INAVA: variants seen among roughly 807,000 people sequenced by gnomAD.
INAVA encodes innate immunity activator.
INAVA carries 32 observed loss-of-function variants against 55.3 expected under a neutral mutation model. That is an observed-to-expected ratio of 0.58 (90% CI 0.44 to 0.78). The LOEUF is 0.78. Ranked by LOEUF, INAVA falls within the 30% of genes least tolerant of loss-of-function variation. The pLI, the probability that INAVA is intolerant of heterozygous loss-of-function variation, is 0.00. For synonymous variants in INAVA, 294 were observed against 329.4 expected, an observed-to-expected ratio of 0.89 and a Z score of 1.16; for missense variants, 756 against 786.4, an observed-to-expected ratio of 0.96 and a Z score of 0.46.
rs924143423 is a variant in INAVA at position 200,901,166 on chromosome 1, C to T, written c.520+7C>T. On this transcript the variant is annotated splice_region_variant and intron_variant, in intron 5 of 9. Transcript: ENST00000413687. ...GCTCTCCCCCTGGGCCGAGGTGAGC[C>T]GGCTGCCCTGAGGGGGGCCATGCTC... 9.3e-6 allele frequency: 14 copies of T among 1,500,672 alleles called. No homozygotes were observed. In the East Asian group the frequency reaches 1.2e-4, roughly 13 times the overall value. 93.0% of individuals were successfully genotyped at this position (1,500,672 alleles called of 1,614,324 possible). A position where few individuals can be genotyped will look rare whatever the true frequency, so the allele number is the denominator to read the frequency against.
intron 1 of INAVA, among the ~76,000 whole-genome samples, chr1:200,896,330 T>A (rs944950892): frequency 2.5e-4 from 3 of 12,180 alleles, no homozygotes; most frequent in Non-Finnish European, 4.7e-4. Context: ...TCTTGGCTTC[T>A]GGGGAGGGTG....
upstream of INAVA, among the ~76,000 whole-genome samples, chr1:200,893,264 T>C (rs1668271756): frequency 6.6e-6 from 1 of 152,270 alleles, no homozygotes; most frequent in African/African-American, 2.4e-5. Context: ...TTAATGTTAA[T>C]AAAGAAGCAT....
intron 1 of INAVA, among the ~76,000 whole-genome samples, chr1:200,895,751 C>T (rs890446174): frequency 1.3e-5 from 2 of 152,086 alleles, no homozygotes; most frequent in Non-Finnish European, 2.9e-5. Flanking sequence ...TGACATTGAC[C>T]AAGAGGTCGA....
intron 6 of INAVA, 120 bp downstream of exon 6, chr1:200,908,007 G>T: frequency 1.4e-6 from 1 of 731,016 alleles, no homozygotes; most frequent in South Asian, 1.8e-5. Flanking sequence ...GCCAGGCTTA[G>T]GGTTTCCGCT....
chr1:200,910,687 T>C (rs1434993875), intron 8 of INAVA, among the ~76,000 whole-genome samples: 4 of 152,262 alleles, frequency 2.6e-5, no homozygotes, highest in African/African-American at 7.2e-5. Context: ...GTTCAAGCGA[T>C]TCTCCTGCCT....
chr1:200,911,860 C>T lies in INAVA; in HGVS notation c.1367C>T (p.Ala456Val), dbSNP rs1336188147. 6.3e-7 allele frequency: 1 copy of T among 1,593,564 alleles called. No individual in the cohort carries two copies. ...PPGEWELRRAAPGPAYEEEGT... is the reference protein window; with the variant it reads ...PPGEWELRRAVPGPAYEEEGT... ...GGCGAGTGGGAGCTGCGCCGCGCAG[C>T]CCCGGGCCCTGCTTACGAGGAGGAG... The change falls in exon 9 of 10, where the codon GCC becomes GTC. Residue 456 changes from alanine to valine, a missense_variant. Coordinates refer to ENST00000413687, the MANE Select transcript of INAVA (RefSeq NM_001142569.3).
chr1:200,891,766 C>T (rs1409480023), upstream of INAVA: 37 of 1,244,762 alleles, frequency 3.0e-5, no homozygotes, highest in Non-Finnish European at 3.9e-5. Context: ...GGCCCCTGAA[C>T]CCACGGTCTT....
intron 5 of INAVA, chr1:200,902,899 C>T (rs1298662977): frequency 6.6e-6 from 1 of 152,318 alleles, no homozygotes; most frequent in Non-Finnish European, 1.5e-5. Context: ...CCAGGACTGG[C>T]CTGGGGCTCT....
intron 1 of INAVA, among the ~76,000 whole-genome samples, chr1:200,895,513 G>A (rs1668327369): frequency 6.6e-6 from 1 of 151,910 alleles, no homozygotes; most frequent in Non-Finnish European, 1.5e-5. Flanking sequence ...GCTTGAAGAG[G>A]CCCAGGAGGG....
upstream of INAVA, among the ~76,000 whole-genome samples, chr1:200,892,419 A>C (rs1668255436): frequency 6.6e-6 from 1 of 152,076 alleles, no homozygotes; most frequent in South Asian, 2.1e-4. Context: ...CTTTTTTTTA[A>C]AAAAAATGGA....
chr1:200,900,946 A>G lies in INAVA; in HGVS notation c.307A>G (p.Ser103Gly), dbSNP rs990614396. Residue 103 changes from serine (S) to glycine (G), a missense_variant, in exon 5 of 10, where the codon AGC becomes GGC. Ser to Gly is a moderately conservative substitution (Grantham distance 56, BLOSUM62 0). Coordinates refer to ENST00000413687, the MANE Select transcript of INAVA (RefSeq NM_001142569.3). ...DWALHREDPL[S>G]SLERQLALQL... ...CTGCCCCCTCTCTCAGGACCCCCTAAGCAGCCTGGAGCGCCAGCTGGCCCT... is the reference window on the plus strand; with the variant it reads ...CTGCCCCCTCTCTCAGGACCCCCTAGGCAGCCTGGAGCGCCAGCTGGCCCT... 6 of 1,549,126 alleles carry G rather than the reference A, an allele frequency of 3.9e-6. No homozygotes were observed. The highest frequency in any genetic ancestry group is 5.2e-6 in the Non-Finnish European group (6 of 1,145,132).
chr1:200,911,963 G>A lies in INAVA; in HGVS notation c.1470G>A (p.Pro490=), dbSNP rs563356296. The A allele has an allele frequency of 3.3e-6, 5 of 1,535,192 alleles. No individual in the cohort carries two copies. Among genetic ancestry groups the A allele is most frequent in the Middle Eastern group, 2.0e-4 (1 of 4,896 alleles). The part of the protein sequence containing the change: ...IVRTPSLKDS[P]AGRGLSKAAV... ...GGACGCCCTCCCTGAAGGACAGCCC[G>A]GCAGGCCGGGGGCTCAGCAAGGCCG... Residue 490 remains proline, a synonymous_variant, in exon 9 of 10, where the codon CCG becomes CCA. Coordinates refer to ENST00000413687, the MANE Select transcript of INAVA (RefSeq NM_001142569.3).
In INAVA at chr1:200,915,530, C is replaced by T. The variant is rs1024901260; in HGVS notation, c.*1901C>T. 1 of 152,070 alleles carries T rather than the reference C, an allele frequency of 6.6e-6. No individual in the cohort carries two copies. The highest frequency in any genetic ancestry group is 2.4e-5 in the African/African-American group (1 of 41,358). 9.4% of individuals were successfully genotyped at this position (152,070 alleles called of 1,614,324 possible). On this transcript the variant is annotated 3_prime_UTR_variant, in exon 10 of 10. Coordinates refer to ENST00000413687, the MANE Select transcript of INAVA (RefSeq NM_001142569.3). ...TTGGTTTCCCTGGCCTCTCAGTGTC[C>T]TAACTGGAGCCCAGAGTGCCTTGTT...
At chr1:200,907,516 G>A (rs1179825961) in intron 5 of INAVA, among the ~76,000 whole-genome samples, 8 of 152,078 alleles carry the variant, frequency 5.3e-5, no homozygotes, top group Admixed American at 5.2e-4. Context: ...TAATTTAGCT[G>A]GGTGTGCTGG....
rs1397233403 is a variant in INAVA, at chr1:200,911,579, C to T, written c.1086C>T (p.His362=). The change falls in exon 9 of 10, where the codon CAC becomes CAT. Residue 362 remains histidine (H), a synonymous_variant. Transcript: ENST00000413687. ...CCGCGACCAAGCCCCCGCTGCCCCACGCCGCCTGCCACTCCTGCTCAGAAG... is the reference window on the plus strand; with the variant it reads ...CCGCGACCAAGCCCCCGCTGCCCCATGCCGCCTGCCACTCCTGCTCAGAAG... The part of the protein sequence containing the change: ...CFPATKPPLP[H]AACHSCSEDS... 6.8e-6 allele frequency: 11 copies of T among 1,613,570 alleles called. No individual in the cohort carries two copies. The highest frequency in any genetic ancestry group is 3.3e-5 in the Admixed American group (2 of 60,000).
intron 1 of INAVA, among the ~76,000 whole-genome samples, chr1:200,895,584 C>A (rs1436615048): frequency 6.6e-6 from 1 of 152,062 alleles, no homozygotes; most frequent in African/African-American, 2.4e-5. Flanking sequence ...AAAAGCAATG[C>A]CTTAGACACT....
intron 8 of INAVA, 114 bp from the exon 9 acceptor site, chr1:200,911,339 T>C (rs1231106515): frequency 3.0e-6 from 3 of 1,001,604 alleles, no homozygotes; most frequent in South Asian, 1.5e-5. Context: ...ACGAGGGCCA[T>C]GCTTGGGCCT....
chr1:200,901,095 CT>C lies in INAVA; in HGVS notation c.457del (p.Cys153AlafsTer167), dbSNP rs1472160833. ...AGAAGAAGCTGCAGGAGCTCCAGCG[CT>C]GCCTGGTCGAGCGGCGGCGCAATAG... ...EEKKLQELQR[C>X]LVERRRNSEP... On this transcript the variant is annotated frameshift_variant, in exon 5 of 10. Coordinates refer to ENST00000413687, the MANE Select transcript of INAVA (RefSeq NM_001142569.3). LOFTEE classifies it high-confidence loss of function. The C allele has an allele frequency of 2.6e-6, 4 of 1,537,478 alleles. No individual in the cohort carries two copies. The highest frequency in any genetic ancestry group is 3.9e-5 in the Admixed American group (2 of 50,916).
rs1044087728 is a variant in INAVA at position 200,898,331 on chromosome 1, A to G, written c.-70A>G. The G allele has an allele frequency of 1.8e-5, 29 of 1,612,778 alleles. No homozygotes were observed. The highest frequency in any genetic ancestry group is 2.2e-5 in the Non-Finnish European group (26 of 1,179,686). On this transcript the variant is annotated 5_prime_UTR_variant, in exon 2 of 10. Coordinates refer to ENST00000413687, the MANE Select transcript of INAVA (RefSeq NM_001142569.3). ...GCTGGGGAAGCTCCAGGCTACCTAC[A>G]CAACCTGGCCCAGGCTGGTCACGGT...
Sources: gnomAD v4.1 joint callset for allele counts (sites outside exome capture counted in the v4.1 genomes callset) on GRCh38, gnomAD v4.1.1 for gene constraint, MANE v1.5 for transcripts, NCBI Gene and HGNC (gene_info 2026-07-23, HGNC 2026-07-21) for gene names.